The following CREM variants were observed in gnomAD, a reference collection of about 807,000 sequenced individuals.
CREM encodes cAMP responsive element modulator.
A neutral mutation model predicts 37.3 loss-of-function variants in CREM; 13 were observed. That is an observed-to-expected ratio of 0.35 (90% CI 0.23 to 0.55). The LOEUF (loss-of-function observed/expected upper bound fraction) is 0.55. CREM is among the 20% of genes least tolerant of loss of function. The pLI is 0.88. For synonymous variants in CREM, 124 were observed against 120.2 expected (o/e 1.03, Z -0.21); for missense variants, 296 against 362.3 (o/e 0.82, Z 1.49).
chr10:35,170,224 G>C (rs1252736565), intron 3 of CREM, among the ~76,000 whole-genome samples: 5 of 152,100 alleles, frequency 3.3e-5, no homozygotes, highest in Admixed American at 1.3e-4. Context: ...CTCAGGCTCT[G>C]AAAGTGCTGG....
intron 2 of CREM, among the ~76,000 whole-genome samples, chr10:35,147,090 G>A (rs1186149101): frequency 5.5e-5 from 7 of 128,346 alleles, no homozygotes; most frequent in African/African-American, 6.1e-5. Context: ...TCGCTCTGTC[G>A]CCCAGGCTGG....
chr10:35,147,146 G>A lies in CREM; in HGVS notation c.45-1222G>A, dbSNP rs112241538. On this transcript the variant is annotated intron_variant, in intron 2 of 7. Coordinates refer to ENST00000685392, the MANE Select transcript of CREM (RefSeq NM_183011.2). Reference sequence around the variant, plus strand: ...GCTCACTGCAAGCTCTGCCTCCTGGGTTCACGCCATTCTCCTGCCTCAGCC... The same window carrying A: ...GCTCACTGCAAGCTCTGCCTCCTGGATTCACGCCATTCTCCTGCCTCAGCC... Among the ~76,000 whole-genome samples, 165 of 150,422 alleles carry A rather than the reference G, an allele frequency of 1.1e-3. 1 individual carries two copies. Among genetic ancestry groups the A allele is most frequent in the African/African-American group, 3.5e-3 (144 of 40,868 alleles).
chr10:35,152,707 G>C (rs1347273352), intron 3 of CREM, among the ~76,000 whole-genome samples: 1 of 152,204 alleles, frequency 6.6e-6, no homozygotes, highest in Admixed American at 6.5e-5. Context: ...ATAAGTTGGA[G>C]AGTCCATTTT....
At chr10:35,161,331 A>G (rs1203437429) in intron 3 of CREM, among the ~76,000 whole-genome samples, 1 of 151,768 alleles carries the variant, frequency 6.6e-6, no homozygotes, top group African/African-American at 2.4e-5. Context: ...AAATTTCTCT[A>G]CTAAAAATAC....
At chr10:35,149,481 C>T (rs187831598) in intron 3 of CREM, among the ~76,000 whole-genome samples, 154 of 152,134 alleles carry the variant, frequency 1.0e-3, no homozygotes, top group African/African-American at 3.7e-3. Flanking sequence ...TTCAGGTGCC[C>T]ACCGTATTTT....
intron 2 of CREM, among the ~76,000 whole-genome samples, chr10:35,138,932 T>TA (rs1021646636): frequency 2.0e-5 from 3 of 151,830 alleles, no homozygotes; most frequent in Admixed American, 6.6e-5. Context: ...TCCTATTTTT[T>TA]AAAAAAACAA....
chr10:35,211,637 T>C lies in CREM; in HGVS notation c.*239T>C, dbSNP rs1288568205. 2 of 1,608,524 alleles carry C rather than the reference T, an allele frequency of 1.2e-6. No individual in the cohort carries two copies. The highest frequency in any genetic ancestry group is 1.7e-6 in the Non-Finnish European group (2 of 1,177,944). ...TGCAAAAAATGCTTTGTTTGCCCTT[T>C]GCTTCTGCTTTTTTTCAGGGAAGCT... On this transcript the variant is annotated 3_prime_UTR_variant, in exon 8 of 8. Coordinates refer to ENST00000685392, the MANE Select transcript of CREM (RefSeq NM_183011.2).
At chr10:35,200,124 G>A (rs1009871573) in intron 6 of CREM, among the ~76,000 whole-genome samples, 3 of 152,062 alleles carry the variant, frequency 2.0e-5, no homozygotes, top group Non-Finnish European at 1.5e-5. Context: ...CTGACCTCAA[G>A]CGATCCACCC....
At chr10:35,136,203 T>TAACAC (rs2090486299) in intron 1 of CREM, among the ~76,000 whole-genome samples, 1 of 132,564 alleles carries the variant, frequency 7.5e-6, no homozygotes, top group Non-Finnish European at 1.7e-5. Flanking sequence ...ATTCAGCAAA[T>TAACAC]AAAACATTTC....
rs576826559 is a variant in CREM, at chr10:35,189,504, GTTTATTTA to G, written c.598+1136_598+1143del. On this transcript the variant is annotated intron_variant, in intron 6 of 7. Transcript: ENST00000685392. ...AATTTGCTTGCTTGTTTGTTTGTTT[GTTTATTTA>G]TTTATTTATTTATTTATTTTTGAGA... Among the ~76,000 whole-genome samples the G allele has an allele frequency of 2.5e-5, 3 of 121,798 alleles. No individual in the cohort carries two copies. In the South Asian group the frequency reaches 7.8e-4, roughly 32 times the overall value. The allele number at this position is 121,798 out of a possible 152,430, so 79.9% of individuals were successfully genotyped here.
intron 5 of CREM, among the ~76,000 whole-genome samples, chr10:35,184,880 A>G (rs73260889): frequency 0.03 from 4,569 of 152,316 alleles, 230 homozygotes; most frequent in African/African-American, 0.1. Context: ...CTCTCACCTC[A>G]GATTGACTTG....
At chr10:35,167,725 G>GA (rs1479711779) in intron 3 of CREM, 1 of 1,613,920 alleles carries the variant, frequency 6.2e-7, no homozygotes, top group East Asian at 2.2e-5. Flanking sequence ...ATTTTTGGTG[G>GA]ATGTGGTGGC....
At chr10:35,201,701 C>G (rs138979507) in intron 6 of CREM, among the ~76,000 whole-genome samples, 194 of 151,914 alleles carry the variant, frequency 1.3e-3, no homozygotes, top group Middle Eastern at 6.8e-3. Context: ...AATGAGAACG[C>G]CTTTGCTTTT....
At chr10:35,162,760 A>G (rs555802629) in intron 3 of CREM, among the ~76,000 whole-genome samples, 3 of 152,290 alleles carry the variant, frequency 2.0e-5, no homozygotes, top group Non-Finnish European at 4.4e-5. Context: ...CTCAGAGGCC[A>G]CAGTAGAGGC....
At chr10:35,201,510 AC>A (rs2095383717) in intron 6 of CREM, 4 of 1,551,590 alleles carry the variant, frequency 2.6e-6, no homozygotes, top group Non-Finnish European at 2.6e-6. Flanking sequence ...CTGGACTAGA[AC>A]CCAGACTCCA....
Position 35,211,724 on chromosome 10 carries a change from T to A in CREM, c.*326T>A. 1 of 1,614,162 alleles carries A rather than the reference T, an allele frequency of 6.2e-7. No homozygotes were observed. Among genetic ancestry groups the A allele is most frequent in the Non-Finnish European group, 8.5e-7 (1 of 1,180,028 alleles). Reference sequence around the variant, plus strand: ...AAATGTCTGGAGAGCCGAGTTGCAGTGCTGGAAGTCCAGAACAAGAAGCTT... The same window carrying A: ...AAATGTCTGGAGAGCCGAGTTGCAGAGCTGGAAGTCCAGAACAAGAAGCTT... On this transcript the variant is annotated 3_prime_UTR_variant, in exon 8 of 8. Transcript: ENST00000685392.
At position 35,207,082 on chromosome 10, in the gene CREM, C is replaced by G. The variant is rs372183429; in HGVS notation, c.755+31C>G. 2.2e-5 allele frequency: 35 copies of G among 1,588,950 alleles called. 1 individual carries two copies. Among genetic ancestry groups the G allele is most frequent in the Middle Eastern group, 3.4e-4 (2 of 5,870 alleles). ...GTGTTGCACAGGGAATCGGTAACTT[C>G]TAGGACACTTTTTAAAAATTACAGT... is the stretch of plus-strand genomic sequence containing the variant. On this transcript the variant is annotated intron_variant, in intron 7 of 7. Coordinates refer to ENST00000685392, the MANE Select transcript of CREM (RefSeq NM_183011.2).
intron 3 of CREM, among the ~76,000 whole-genome samples, chr10:35,156,241 C>T (rs575374240): frequency 6.5e-4 from 95 of 146,620 alleles, no homozygotes; most frequent in African/African-American, 2.2e-3. Context: ...TCCCGGCCAC[C>T]TCTTTTCTTT....
intron 3 of CREM, among the ~76,000 whole-genome samples, chr10:35,155,547 C>T (rs1302173073): frequency 6.6e-6 from 1 of 151,994 alleles, no homozygotes; most frequent in African/African-American, 2.4e-5. Flanking sequence ...ATAGGCTAGA[C>T]ATTGAAATTT....
Sources: gnomAD v4.1 joint callset for allele counts (sites outside exome capture counted in the v4.1 genomes callset) on GRCh38, gnomAD v4.1.1 for gene constraint, MANE v1.5 for transcripts, NCBI Gene and HGNC (gene_info 2026-07-23, HGNC 2026-07-21) for gene names.